ADGRL2: variants seen among roughly 807,000 people sequenced by gnomAD.
The protein encoded by ADGRL2 is calcium-independent alpha-latrotoxin receptor 2.
A neutral mutation model predicts 157.4 loss-of-function variants in ADGRL2; 44 were observed. That is an observed-to-expected ratio of 0.28 (90% CI 0.22 to 0.36). The LOEUF (loss-of-function observed/expected upper bound fraction) is 0.36, where lower values mean the gene tolerates loss of function less well. Among genes scored for constraint, ADGRL2 ranks in the 10% least tolerant of loss-of-function variants. The pLI is 1.00. For synonymous variants in ADGRL2, 585 were observed against 624.7 expected (o/e 0.94, Z 0.95); for missense variants, 1,510 against 1,768.9 (o/e 0.85, Z 2.63).
chr1:81,657,221 A>C (rs1343733515), intron 3 of ADGRL2, among the ~76,000 whole-genome samples: 1 of 152,098 alleles, frequency 6.6e-6, no homozygotes, highest in Non-Finnish European at 1.5e-5. Context: ...AGAGTCAATT[A>C]AGTCATAAAA....
At chr1:81,754,193 T>TTCCCTCCC (rs971640856) in intron 1 of ADGRL2, among the ~76,000 whole-genome samples, 1 of 149,742 alleles carries the variant, frequency 6.7e-6, no homozygotes, top group African/African-American at 2.4e-5. Context: ...ATTTCATAGA[T>TTCCCTCCC]TCCCTCCCTC....
intron 2 of ADGRL2, among the ~76,000 whole-genome samples, chr1:81,464,268 C>A (rs2101825441): frequency 6.6e-6 from 1 of 152,156 alleles, no homozygotes; most frequent in African/African-American, 2.4e-5. Flanking sequence ...CTTTTCCTCT[C>A]CCTATCTCTC....
chr1:81,567,337 C>T, intron 2 of ADGRL2, among the ~76,000 whole-genome samples: 1 of 152,106 alleles, frequency 6.6e-6, no homozygotes, highest in Non-Finnish European at 1.5e-5. Context: ...CTGGTGGCTA[C>T]AGCATTGGAC....
chr1:81,861,535 T>C (rs1289609579), intron 2 of ADGRL2, among the ~76,000 whole-genome samples: 2 of 152,226 alleles, frequency 1.3e-5, no homozygotes, highest in African/African-American at 2.4e-5. Flanking sequence ...ATTTATATTT[T>C]ATTGATTATG....
chr1:81,862,058 G>T (rs74659945), intron 2 of ADGRL2, among the ~76,000 whole-genome samples: 1 of 151,958 alleles, frequency 6.6e-6, no homozygotes, highest in Non-Finnish European at 1.5e-5. Flanking sequence ...GAAATATTAC[G>T]TTTACGCTGG....
At chr1:81,468,714 G>A (rs867044137) in intron 2 of ADGRL2, among the ~76,000 whole-genome samples, 10 of 152,208 alleles carry the variant, frequency 6.6e-5, no homozygotes, top group East Asian at 5.8e-4. Flanking sequence ...TATCCTGTGT[G>A]TAGCTCAGCA....
At chr1:81,683,966 G>C (rs1394665217) in intron 3 of ADGRL2, among the ~76,000 whole-genome samples, 1 of 152,096 alleles carries the variant, frequency 6.6e-6, no homozygotes, top group Admixed American at 6.5e-5. Flanking sequence ...ACAGGCGCAC[G>C]CCACCATGCC....
chr1:81,987,503 G>A, intron 22 of ADGRL2: 2 of 642,758 alleles, frequency 3.1e-6, no homozygotes, highest in Non-Finnish European at 5.7e-6. Flanking sequence ...GCAGCTTTAT[G>A]GTAGTTTTCT....
chr1:81,724,334 T>C (rs1381771144), intron 1 of ADGRL2, among the ~76,000 whole-genome samples: 1 of 152,226 alleles, frequency 6.6e-6, no homozygotes, highest in Non-Finnish European at 1.5e-5. Context: ...TATCTTGTAG[T>C]ATTCATATTT....
intron 18 of ADGRL2, 74 bp from the exon 19 acceptor site, chr1:81,981,732 GAT>G: frequency 8.6e-7 from 1 of 1,159,246 alleles, no homozygotes; most frequent in Non-Finnish European, 1.2e-6. Flanking sequence ...TGCTACTACT[GAT>G]ATGTTAACAT....
chr1:81,546,320 CT>C (rs768238168), intron 2 of ADGRL2, among the ~76,000 whole-genome samples: 5 of 152,250 alleles, frequency 3.3e-5, no homozygotes, highest in East Asian at 1.9e-4. Context: ...CGGCTTACTC[CT>C]TTTTTCTTTT....
intron 3 of ADGRL2, among the ~76,000 whole-genome samples, chr1:81,675,295 T>G (rs2082962844): frequency 6.6e-6 from 1 of 152,214 alleles, no homozygotes; most frequent in Non-Finnish European, 1.5e-5. Flanking sequence ...TATAGCTTCC[T>G]AAGTATTTTG....
chr1:81,884,396 G>A (rs1470565717), intron 2 of ADGRL2, among the ~76,000 whole-genome samples: 1 of 152,150 alleles, frequency 6.6e-6, no homozygotes, highest in Non-Finnish European at 1.5e-5. Context: ...TTTCCTAAGA[G>A]ATACTGTTGA....
intron 2 of ADGRL2, among the ~76,000 whole-genome samples, chr1:81,899,913 T>A (rs1006919588): frequency 1.3e-5 from 2 of 152,164 alleles, no homozygotes; most frequent in African/African-American, 4.8e-5. Flanking sequence ...CAGCATACCA[T>A]AACGATGTTC....
chr1:81,486,909 G>A (rs1342480992), intron 2 of ADGRL2, among the ~76,000 whole-genome samples: 1 of 152,024 alleles, frequency 6.6e-6, no homozygotes, highest in Non-Finnish European at 1.5e-5. Context: ...GAAGTGATGA[G>A]ACTACCAGAC....
chr1:81,332,698 T>G (rs956584295), intron 1 of ADGRL2, among the ~76,000 whole-genome samples: 1 of 152,178 alleles, frequency 6.6e-6, no homozygotes, highest in Non-Finnish European at 1.5e-5. Context: ...CGATAATACT[T>G]TTATTCGAAA....
At chr1:81,990,249 A>G in intron 23 of ADGRL2, 142 bp from the exon 24 acceptor site, 1 of 1,489,462 alleles carries the variant, frequency 6.7e-7, no homozygotes, top group Non-Finnish European at 8.9e-7. Flanking sequence ...TTGGGAATGC[A>G]GGAAAGCCTG....
At chr1:81,857,413 G>A (rs1190544201) in intron 2 of ADGRL2, among the ~76,000 whole-genome samples, 1 of 152,180 alleles carries the variant, frequency 6.6e-6, no homozygotes, top group Non-Finnish European at 1.5e-5. Flanking sequence ...TCACACTTGA[G>A]CTAGGTCTAC....
chr1:81,657,076 G>C (rs552795263), intron 3 of ADGRL2, among the ~76,000 whole-genome samples: 252 of 151,796 alleles, frequency 1.7e-3, no homozygotes, highest in Admixed American at 2.9e-3. Context: ...ACAATTCAAG[G>C]CTCCAATATG....
Sources: allele counts gnomAD v4.1 joint callset (sites outside exome capture counted in the v4.1 genomes callset), GRCh38; gene constraint gnomAD v4.1.1; transcripts MANE v1.5; gene names NCBI Gene and HGNC (gene_info 2026-07-23, HGNC 2026-07-21).